PHF24: variants seen among roughly 807,000 people sequenced by gnomAD.
The protein encoded by PHF24 is Galpha inhibitory interacting protein.
Under a neutral mutation model 42.6 loss-of-function variants are expected in PHF24, and 25 were observed. The observed-to-expected ratio is 0.59, with a 90% CI of 0.43 to 0.82. The LOEUF is 0.82. PHF24 is among the 40% of genes least tolerant of loss of function. The pLI, the probability that PHF24 is intolerant of heterozygous loss-of-function variation, is 0.00. For synonymous variants in PHF24, 185 were observed against 204.8 expected, an observed-to-expected ratio of 0.90 and a Z score of 0.83; for missense variants, 470 against 538.1, an observed-to-expected ratio of 0.87 and a Z score of 1.25.
chr9:34,918,027 A>G, the PHF24 span: 4 of 1,266,390 alleles, frequency 3.2e-6, no homozygotes, highest in East Asian at 6.9e-5. Flanking sequence ...CCAGTACCAC[A>G]TCTGTGCCTG....
At chr9:34,923,600 AATTTATTGGCAT>A in the PHF24 span, among the ~76,000 whole-genome samples, 1 of 152,002 alleles carries the variant, frequency 6.6e-6, no homozygotes, top group Non-Finnish European at 1.5e-5. Flanking sequence ...TAGGTTTTTC[AATTTATTGGCAT>A]AGAGTTGCTT....
the PHF24 span, among the ~76,000 whole-genome samples, chr9:34,799,684 A>G: frequency 1.1e-3 from 170 of 152,320 alleles, no homozygotes; most frequent in Non-Finnish European, 1.1e-3. Context: ...TTCTTTGTGC[A>G]AGATTTAATT....
At chr9:34,953,627 TG>T (rs1158312999), upstream of PHF24, among the ~76,000 whole-genome samples, 1 of 152,112 alleles carries the variant, frequency 6.6e-6, no homozygotes. The surrounding 1 kb of genome is among the most constrained non-coding windows in gnomAD (Gnocchi z 4.1). Context: ...ATCTACAGTT[TG>T]GTGACTCTAT....
chr9:34,850,552 C>G, the PHF24 span, among the ~76,000 whole-genome samples: 1 of 152,120 alleles, frequency 6.6e-6, no homozygotes, highest in African/African-American at 2.4e-5. Context: ...TTTGAATTTC[C>G]TCCTGTAGCT....
chr9:34,918,115 C>G, the PHF24 span: 1 of 1,548,932 alleles, frequency 6.5e-7, no homozygotes, highest in Non-Finnish European at 8.9e-7. Flanking sequence ...AACTTTTCTG[C>G]TGGTGTAGCC....
At chr9:34,765,700 A>C in the PHF24 span, among the ~76,000 whole-genome samples, 18 of 151,710 alleles carry the variant, frequency 1.2e-4, no homozygotes, top group East Asian at 5.8e-4. Flanking sequence ...GCCCATTTAC[A>C]TTTAAAGTTA....
chr9:34,799,997 G>A, the PHF24 span, among the ~76,000 whole-genome samples: 1 of 152,062 alleles, frequency 6.6e-6, no homozygotes, highest in Non-Finnish European at 1.5e-5. Context: ...TGGGGGAGTG[G>A]GAGAGAGTGG....
chr9:34,722,095 T>C, the PHF24 span, among the ~76,000 whole-genome samples: 1 of 152,168 alleles, frequency 6.6e-6, no homozygotes, highest in Non-Finnish European at 1.5e-5. Context: ...TCTCTCTGTA[T>C]TATCTGAAGC....
chr9:34,833,517 A>G, the PHF24 span: 2 of 1,551,088 alleles, frequency 1.3e-6, no homozygotes, highest in African/African-American at 1.4e-5. Context: ...CTTTCAAGAG[A>G]CTTCTGTGTG....
chr9:34,837,593 G>C, the PHF24 span: 3 of 1,311,198 alleles, frequency 2.3e-6, no homozygotes, highest in African/African-American at 4.4e-5. Context: ...GTCATAGAGG[G>C]ACAGGATTCA....
At chr9:34,729,590 A>G in the PHF24 span, 1 of 670,002 alleles carries the variant, frequency 1.5e-6, no homozygotes, top group Non-Finnish European at 2.4e-6. Flanking sequence ...CATAAGGTAC[A>G]TGTAGTAGGG....
At chr9:34,879,093 C>T in the PHF24 span, among the ~76,000 whole-genome samples, 2 of 152,194 alleles carry the variant, frequency 1.3e-5, no homozygotes, top group Non-Finnish European at 2.9e-5. Flanking sequence ...CCCAGGCAAA[C>T]AGGGTCTGGA....
chr9:34,925,752 T>TA, the PHF24 span, among the ~76,000 whole-genome samples: 2 of 152,180 alleles, frequency 1.3e-5, no homozygotes, highest in Non-Finnish European at 2.9e-5. Context: ...TTAAGGTTGT[T>TA]ATTTTGAATT....
At chr9:34,669,554 G>A in the PHF24 span, among the ~76,000 whole-genome samples, 2 of 151,334 alleles carry the variant, frequency 1.3e-5, no homozygotes, top group Admixed American at 6.6e-5. Flanking sequence ...GTGTGAGGTT[G>A]GATGGGGAGA....
At chr9:34,676,933 TTCCCGTGATCCAATCACC>T in the PHF24 span, among the ~76,000 whole-genome samples, 1 of 152,214 alleles carries the variant, frequency 6.6e-6, no homozygotes, top group African/African-American at 2.4e-5. Flanking sequence ...GAGAAATCCA[TTCCCGTGATCCAATCACC>T]TCCCGCCAGG....
chr9:34,977,967 C>T (rs756329360), intron 7 of PHF24, 48 bp from the exon 8 acceptor site: 33 of 1,429,464 alleles, frequency 2.3e-5, no homozygotes, highest in South Asian at 6.9e-5. Flanking sequence ...TCAGGGCTCA[C>T]GTGTCTTCAA....
At chr9:34,928,216 C>CAA in the PHF24 span, among the ~76,000 whole-genome samples, 2,092 of 108,788 alleles carry the variant, frequency 0.019, 61 homozygotes, top group African/African-American at 0.051. Context: ...GACTCTGTCT[C>CAA]AAAAAAAAAA....
At chr9:34,747,184 G>T in the PHF24 span, among the ~76,000 whole-genome samples, 1 of 152,278 alleles carries the variant, frequency 6.6e-6, no homozygotes, top group Middle Eastern at 3.4e-3. Flanking sequence ...GTGGGTTGGG[G>T]GGTGGGGGTT....
chr9:34,879,794 G>A, the PHF24 span, among the ~76,000 whole-genome samples: 3 of 152,188 alleles, frequency 2.0e-5, no homozygotes, highest in African/African-American at 7.2e-5. Context: ...TTATCCAGGA[G>A]AACTTCCCCA....
Sources: allele counts gnomAD v4.1 joint callset (sites outside exome capture counted in the v4.1 genomes callset), GRCh38; gene constraint gnomAD v4.1.1; non-coding constraint Gnocchi (gnomAD v3.1); transcripts MANE v1.5; gene names NCBI Gene and HGNC (gene_info 2026-07-23, HGNC 2026-07-21).